Variants in ROBO1 observed in about 807,000 individuals in gnomAD.
ROBO1 encodes the protein roundabout homolog 1.
Under a neutral mutation model 195.9 loss-of-function variants are expected in ROBO1, and 149 were observed. The observed-to-expected ratio is 0.76, with a 90% CI of 0.67 to 0.87. ROBO1 has a LOEUF of 0.87. Among genes scored for constraint, ROBO1 ranks in the 40% least tolerant of loss-of-function variants. The pLI, the probability that ROBO1 is intolerant of heterozygous loss-of-function variation, is 0.00. For synonymous variants in ROBO1, 816 were observed against 733.2 expected (o/e 1.11, Z -1.82); for missense variants, 1,933 against 2,068.3 (o/e 0.93, Z 1.27).
chr3:79,049,758 AAATGAATTTTTAACCC>A (rs2078661724), intron 3 of ROBO1, among the ~76,000 whole-genome samples: 1 of 152,188 alleles, frequency 6.6e-6, no homozygotes, highest in Non-Finnish European at 1.5e-5. Flanking sequence ...ATTCTTAAAG[AAATGAATTTTTAACCC>A]AGAATTTCAT....
At chr3:79,403,391 T>C (rs1328846585) in intron 2 of ROBO1, among the ~76,000 whole-genome samples, 2 of 152,020 alleles carry the variant, frequency 1.3e-5, no homozygotes, top group African/African-American at 4.8e-5. Context: ...GGACAAGTTA[T>C]AGCAGTGATA....
intron 3 of ROBO1, among the ~76,000 whole-genome samples, chr3:79,007,142 G>T (rs543158327): frequency 6.6e-6 from 1 of 152,122 alleles, no homozygotes; most frequent in South Asian, 2.1e-4. Context: ...AAAAAAAAGG[G>T]CATCTTGTGC....
At chr3:79,705,518 CTCTT>C (rs1349256002) in intron 1 of ROBO1, among the ~76,000 whole-genome samples, 1 of 152,030 alleles carries the variant, frequency 6.6e-6, no homozygotes, top group Non-Finnish European at 1.5e-5. Context: ...TCTGGGCTCT[CTCTT>C]CTTTCCCGTG....
chr3:78,949,442 A>T (rs1202234235), intron 3 of ROBO1, among the ~76,000 whole-genome samples: 1 of 151,250 alleles, frequency 6.6e-6, no homozygotes, highest in East Asian at 1.9e-4. Context: ...TGGTGCTGGG[A>T]AAACTGGCTA....
chr3:78,873,263 C>T (rs894694010), intron 4 of ROBO1, among the ~76,000 whole-genome samples: 43 of 152,080 alleles, frequency 2.8e-4, no homozygotes, highest in African/African-American at 1.0e-3. Flanking sequence ...CAGGTAGTTC[C>T]GTCAGTCAAA....
intron 1 of ROBO1, among the ~76,000 whole-genome samples, chr3:79,614,967 C>T (rs1358003008): frequency 6.6e-6 from 1 of 152,064 alleles, no homozygotes; most frequent in African/African-American, 2.4e-5. Flanking sequence ...ATTTTGAGCA[C>T]TCTGTCCTCA....
intron 4 of ROBO1, among the ~76,000 whole-genome samples, chr3:78,778,021 T>G (rs2083556088): frequency 6.6e-6 from 1 of 152,200 alleles, no homozygotes. Flanking sequence ...CAATACCTAT[T>G]TTATTGAGAG....
chr3:79,653,974 C>T (rs911795430), intron 1 of ROBO1, among the ~76,000 whole-genome samples: 1 of 151,868 alleles, frequency 6.6e-6, no homozygotes, highest in Non-Finnish European at 1.5e-5. Flanking sequence ...AAATACAAAG[C>T]CTCTCTGTTG....
At chr3:79,537,759 A>G (rs980545138) in intron 2 of ROBO1, among the ~76,000 whole-genome samples, 2 of 152,018 alleles carry the variant, frequency 1.3e-5, no homozygotes, top group Admixed American at 1.3e-4. Flanking sequence ...GGGGAGGGAG[A>G]GCATCAGGAG....
At position 78,670,143 on chromosome 3, in the gene ROBO1, G is replaced by A. The variant is rs774218793; in HGVS notation, c.1501C>T (p.Arg501Ter). 3 of 1,613,414 alleles carry A rather than the reference G, an allele frequency of 1.9e-6. No individual in the cohort carries two copies. Among genetic ancestry groups the A allele is most frequent in the Non-Finnish European group, 2.5e-6 (3 of 1,179,664 alleles). The stretch of plus-strand genomic sequence containing the variant: ...ACTCCATTCTCCAACTGTTTGATTC[G>A]AGAGTCTTGGGTTGAAACGAGGACT... ...DGVLVSTQDS[R>*]IKQLENGVLQ... Residue 501 changes from arginine (R) to a stop codon, truncating the protein, a stop_gained, in exon 11 of 31, where the codon CGA (arginine) becomes TGA (stop). Coordinates refer to ENST00000464233, the MANE Select transcript of ROBO1 (RefSeq NM_002941.4). LOFTEE classifies it high-confidence loss of function.
At chr3:78,933,449 G>A (rs1224305546) in intron 4 of ROBO1, among the ~76,000 whole-genome samples, 1 of 152,026 alleles carries the variant, frequency 6.6e-6, no homozygotes, top group East Asian at 1.9e-4. Context: ...AATACAGAAT[G>A]CATGCTATAT....
chr3:79,494,582 A>G (rs1352876314), intron 2 of ROBO1, among the ~76,000 whole-genome samples: 2 of 152,192 alleles, frequency 1.3e-5, no homozygotes, highest in Non-Finnish European at 2.9e-5. Flanking sequence ...ACATTAACAG[A>G]TTCAGAATCC....
chr3:78,782,147 A>T (rs1354642017), intron 4 of ROBO1, among the ~76,000 whole-genome samples: 1 of 152,060 alleles, frequency 6.6e-6, no homozygotes, highest in East Asian at 1.9e-4. Flanking sequence ...ATCTAGCTCA[A>T]TTTCAAGTTT....
At chr3:78,938,955 G>GTA in intron 3 of ROBO1, 28 bp from the exon 4 acceptor site, 1 of 1,555,918 alleles carries the variant, frequency 6.4e-7, no homozygotes, top group South Asian at 1.2e-5. Context: ...AAATATCTTC[G>GTA]TATATCACTT....
chr3:78,889,219 G>C, intron 4 of ROBO1, among the ~76,000 whole-genome samples: 1 of 152,140 alleles, frequency 6.6e-6, no homozygotes, highest in East Asian at 1.9e-4. Flanking sequence ...GTTATATTAA[G>C]CAATTTTCCC....
At chr3:78,981,547 G>A (rs1388909391) in intron 3 of ROBO1, among the ~76,000 whole-genome samples, 1 of 152,072 alleles carries the variant, frequency 6.6e-6, no homozygotes, top group African/African-American at 2.4e-5. Flanking sequence ...CTGAGAAACA[G>A]ATCTCCAAAA....
chr3:78,864,472 C>CA (rs141933292), intron 4 of ROBO1, among the ~76,000 whole-genome samples: 9,975 of 151,582 alleles, frequency 0.066, 851 homozygotes, highest in African/African-American at 0.2. Flanking sequence ...TTTTCAGACA[C>CA]AAAAAAGGGA....
At chr3:79,089,869 T>C (rs2079442697) in intron 3 of ROBO1, among the ~76,000 whole-genome samples, 1 of 152,222 alleles carries the variant, frequency 6.6e-6, no homozygotes, top group Non-Finnish European at 1.5e-5. Flanking sequence ...ATTCTTTTTC[T>C]AGTCAATTTA....
Position 78,668,061 on chromosome 3 carries a change from C to G in ROBO1, c.1800-12G>C. 1.2e-6 allele frequency: 2 copies of G among 1,613,148 alleles called. No homozygotes were observed. Among genetic ancestry groups the G allele is most frequent in the Non-Finnish European group, 1.7e-6 (2 of 1,179,436 alleles). On this transcript the variant is annotated splice_polypyrimidine_tract_variant and intron_variant, in intron 13 of 30. Coordinates refer to ENST00000464233, the MANE Select transcript of ROBO1 (RefSeq NM_002941.4). ...TACCAGATGCATGGCTAAGGATAGA[C>G]ACACAGGTTAGAACATGCGTATTTA... is the stretch of plus-strand genomic sequence containing the variant.
Sources: allele counts gnomAD v4.1 joint callset (sites outside exome capture counted in the v4.1 genomes callset), GRCh38; gene constraint gnomAD v4.1.1; transcripts MANE v1.5; gene names NCBI Gene and HGNC (gene_info 2026-07-23, HGNC 2026-07-21).